IQSEC1: variants seen among roughly 807,000 people sequenced by gnomAD.
IQSEC1 encodes IQ motif and SEC7 domain-containing protein 1.
In IQSEC1, 31 loss-of-function variants were observed where a neutral mutation model predicts 91.0. The observed-to-expected ratio is 0.34, with a 90% CI of 0.26 to 0.46. The LOEUF (loss-of-function observed/expected upper bound fraction) is 0.46, where lower values mean the gene tolerates loss of function less well. IQSEC1 is among the 20% of genes least tolerant of loss of function. The pLI, the probability that IQSEC1 is intolerant of heterozygous loss-of-function variation, is 1.00. For missense variants in IQSEC1, 1,388 were observed against 1,575.6 expected (o/e 0.88, Z 2.02); for synonymous variants, 699 against 662.6 (o/e 1.05, Z -0.84).
chr3:13,013,412 G>A (rs771457041), intron 1 of IQSEC1, among the ~76,000 whole-genome samples: 2 of 152,190 alleles, frequency 1.3e-5, no homozygotes, highest in Non-Finnish European at 2.9e-5. Flanking sequence ...ATCAGATGGG[G>A]CTAATGAGCT....
At chr3:13,237,794 C>T (rs999195445) in intron 1 of IQSEC1, among the ~76,000 whole-genome samples, 3 of 152,240 alleles carry the variant, frequency 2.0e-5, no homozygotes, top group African/African-American at 7.2e-5. Flanking sequence ...ATAGCTCCTG[C>T]GAGCTCTGGC....
At chr3:13,161,757 C>G (rs1707180188) in intron 2 of IQSEC1, among the ~76,000 whole-genome samples, 1 of 152,236 alleles carries the variant, frequency 6.6e-6, no homozygotes, top group African/African-American at 2.4e-5. Context: ...CCTGGAAGAA[C>G]TAAACACAGC....
intron 1 of IQSEC1, among the ~76,000 whole-genome samples, chr3:13,235,337 G>T (rs1028922908): frequency 6.6e-6 from 1 of 152,182 alleles, no homozygotes; most frequent in Non-Finnish European, 1.5e-5. Context: ...CCCCTGGCTG[G>T]TGGCAGTTAC....
intron 1 of IQSEC1, among the ~76,000 whole-genome samples, chr3:13,238,822 G>A (rs1418260897): frequency 6.6e-6 from 1 of 152,158 alleles, no homozygotes; most frequent in Non-Finnish European, 1.5e-5. Flanking sequence ...GCAGCCCCCA[G>A]GCCCTCCTAC....
At chr3:12,919,137 C>A (rs1696380611) in intron 6 of IQSEC1, among the ~76,000 whole-genome samples, 1 of 152,208 alleles carries the variant, frequency 6.6e-6, no homozygotes, top group African/African-American at 2.4e-5. Context: ...GCTTGGACAC[C>A]TGGGCCTGGG....
At chr3:12,914,348 C>A (rs964885406) in intron 8 of IQSEC1, among the ~76,000 whole-genome samples, 1 of 152,158 alleles carries the variant, frequency 6.6e-6, no homozygotes, top group African/African-American at 2.4e-5. Flanking sequence ...GGGAGGCGGT[C>A]AAAGGGGTGG....
At chr3:13,278,376 G>A (rs767861738) in intron 1 of IQSEC1, among the ~76,000 whole-genome samples, 33 of 152,312 alleles carry the variant, frequency 2.2e-4, no homozygotes, top group Non-Finnish European at 1.0e-4. Context: ...ACGTGACACC[G>A]TGAGCCCTGC....
intron 1 of IQSEC1, chr3:13,022,048 G>A: frequency 1.6e-6 from 2 of 1,231,984 alleles, no homozygotes; most frequent in Non-Finnish European, 2.0e-6. Flanking sequence ...TGTCCTCACA[G>A]AGATGCAGTA....
chr3:13,218,072 CT>C (rs1559279513), intron 1 of IQSEC1, among the ~76,000 whole-genome samples: 1 of 152,244 alleles, frequency 6.6e-6, no homozygotes, highest in Non-Finnish European at 1.5e-5. Context: ...CCGAGGCCCC[CT>C]GGCAGCTCCG....
intron 1 of IQSEC1, among the ~76,000 whole-genome samples, chr3:13,172,114 G>C (rs1361217827): frequency 6.6e-6 from 1 of 152,190 alleles, no homozygotes; most frequent in Non-Finnish European, 1.5e-5. Context: ...CCGTGTCTAC[G>C]GGCAGGACTT....
At chr3:12,984,396 A>G (rs150976446) in intron 1 of IQSEC1, among the ~76,000 whole-genome samples, 19 of 152,212 alleles carry the variant, frequency 1.2e-4, no homozygotes, top group African/African-American at 4.1e-4. Flanking sequence ...CCACAGGCCC[A>G]GGGCTGAGCT....
intron 1 of IQSEC1, among the ~76,000 whole-genome samples, chr3:12,969,381 C>T (rs953950010): frequency 3.9e-5 from 6 of 152,148 alleles, no homozygotes; most frequent in African/African-American, 1.2e-4. Context: ...CGCAATACCA[C>T]CTCACACTCA....
At chr3:13,029,790 C>T (rs551207496) in intron 1 of IQSEC1, among the ~76,000 whole-genome samples, 2 of 152,352 alleles carry the variant, frequency 1.3e-5, no homozygotes, top group South Asian at 2.1e-4. Context: ...GTAAGGACTG[C>T]AGCACCCTGG....
At chr3:13,247,343 C>T (rs559108691) in intron 1 of IQSEC1, among the ~76,000 whole-genome samples, 72 of 152,302 alleles carry the variant, frequency 4.7e-4, no homozygotes, top group South Asian at 4.1e-3. Flanking sequence ...AAAGTCTGTC[C>T]GGCTGTCATT....
Position 12,900,550 on chromosome 3 carries a change from T to C in IQSEC1, c.*433A>G. 1 of 989,054 alleles carries C rather than the reference T, an allele frequency of 1.0e-6. No homozygotes were observed. Among genetic ancestry groups the C allele is most frequent in the Non-Finnish European group, 1.2e-6 (1 of 831,520 alleles). The allele number at this position is 989,054 out of a possible 1,614,324, so 61.3% of individuals were successfully genotyped here. A position where few individuals can be genotyped will look rare whatever the true frequency, so the allele number is the denominator to read the frequency against. On this transcript the variant is annotated 3_prime_UTR_variant, in exon 14 of 14. Coordinates refer to ENST00000613206, the MANE Select transcript of IQSEC1 (RefSeq NM_001134382.3). ...GGTCTACTTATTTTTTTGCCCATTG[T>C]CAATAAAAGAGCAATAATGCAGCAA...
At chr3:12,963,600 C>T (rs970742928) in intron 1 of IQSEC1, among the ~76,000 whole-genome samples, 2 of 152,218 alleles carry the variant, frequency 1.3e-5, no homozygotes, top group Middle Eastern at 3.2e-3. Context: ...ACCCCCTCCC[C>T]AGGGGTTTCT....
intron 1 of IQSEC1, among the ~76,000 whole-genome samples, chr3:13,172,134 G>C (rs1031365265): frequency 6.6e-6 from 1 of 152,228 alleles, no homozygotes; most frequent in South Asian, 2.1e-4. Flanking sequence ...TAGCTTTCCT[G>C]TCCAAATAGC....
In IQSEC1 at chr3:12,900,583, G is replaced by T. The variant is rs1455576232; in HGVS notation, c.*400C>A. On this transcript the variant is annotated 3_prime_UTR_variant, in exon 14 of 14. Transcript: ENST00000613206. ...AGAGCAATAATGCAGCAAGTTTTGG[G>T]GTTTGTTTTGTCTGTTTTTGTATCT... The T allele has an allele frequency of 3.0e-6, 3 of 1,015,582 alleles. No homozygotes were observed. In the African/African-American group the frequency reaches 5.2e-5, roughly 18 times the overall value. The allele number at this position is 1,015,582 out of a possible 1,614,324, so 62.9% of individuals were successfully genotyped here. A position where few individuals can be genotyped will look rare whatever the true frequency, so the allele number is the denominator to read the frequency against.
chr3:12,972,195 C>G (rs992643679), intron 1 of IQSEC1, among the ~76,000 whole-genome samples: 1 of 151,602 alleles, frequency 6.6e-6, no homozygotes, highest in African/African-American at 2.4e-5. Context: ...CCTGTAGTCG[C>G]AGCTACTCAG....
Sources: gnomAD v4.1 joint callset for allele counts (sites outside exome capture counted in the v4.1 genomes callset) on GRCh38, gnomAD v4.1.1 for gene constraint, MANE v1.5 for transcripts, NCBI Gene and HGNC (gene_info 2026-07-23, HGNC 2026-07-21) for gene names.